STYXL2: variants seen among roughly 807,000 people sequenced by gnomAD.
STYXL2 encodes the protein serine/threonine/tyrosine-interacting-like protein 2.
A neutral mutation model predicts 52.4 loss-of-function variants in STYXL2; 44 were observed. The observed-to-expected ratio is 0.84, with a 90% CI of 0.66 to 1.08. The LOEUF (loss-of-function observed/expected upper bound fraction) is 1.08. Ranked by LOEUF, STYXL2 falls within the 50% of genes least tolerant of loss-of-function variation. STYXL2 has a pLI of 0.00. For missense variants in STYXL2, 1,604 were observed against 1,471.7 expected, an observed-to-expected ratio of 1.09 and a Z score of -1.47; for synonymous variants, 604 against 586.9, an observed-to-expected ratio of 1.03 and a Z score of -0.42.
chr1:167,115,982 A>T (rs1667714133), intron 3 of STYXL2, among the ~76,000 whole-genome samples: 1 of 152,138 alleles, frequency 6.6e-6, no homozygotes, highest in South Asian at 2.1e-4. Context: ...AGCAGATTCC[A>T]CGAGGGGCTG....
rs552291779 is a variant in STYXL2, at chr1:167,127,328, G to A, written c.2197G>A (p.Glu733Lys). 6 of 1,614,194 alleles carry A rather than the reference G, an allele frequency of 3.7e-6. No homozygotes were observed. Among genetic ancestry groups the A allele is most frequent in the East Asian group, 2.2e-5 (1 of 44,872 alleles). The part of the protein sequence containing the change: ...IQNWIANVVS[E>K]TLAQKQNEML... ...GAACTGGATTGCCAATGTAGTCAGT[G>A]AGACCCTTGCTCAGAAGCAAAATGA... The change falls in exon 6 of 6, where the codon GAG becomes AAG. Residue 733 changes from glutamate (E) to lysine (K), a missense_variant. Coordinates refer to ENST00000361200, the MANE Select transcript of STYXL2 (RefSeq NM_001080426.3).
intron 2 of STYXL2, among the ~76,000 whole-genome samples, chr1:167,103,052 C>T (rs1354757466): frequency 6.6e-6 from 1 of 151,820 alleles, no homozygotes; most frequent in South Asian, 2.1e-4. Flanking sequence ...GGGAAGACTC[C>T]TTCCTTGTCT....
In STYXL2 at chr1:167,127,306, C is replaced by A; in HGVS notation, c.2175C>A (p.Asn725Lys). 1 of 1,614,236 alleles carries A rather than the reference C, an allele frequency of 6.2e-7. No homozygotes were observed. The change falls in exon 6 of 6, where the codon AAC (asparagine) becomes AAA (lysine). Residue 725 changes from asparagine (N) to lysine (K), a missense_variant. By Grantham distance (94) the Asn-to-Lys change is moderately conservative. Transcript: ENST00000361200. ...CCATTTCCATTGCCAGTATCCAGAA[C>A]TGGATTGCCAATGTAGTCAGTGAGA... ...GDTISIASIQ[N>K]WIANVVSETL...
At chr1:167,113,280 C>T (rs1054916242) in intron 2 of STYXL2, among the ~76,000 whole-genome samples, 4 of 152,048 alleles carry the variant, frequency 2.6e-5, no homozygotes, top group African/African-American at 9.7e-5. Flanking sequence ...AGAGTGGTGG[C>T]AACCTATTCA....
rs573913763 is a variant in STYXL2, at chr1:167,126,819, C to A, written c.1688C>A (p.Ala563Glu). The stretch of plus-strand genomic sequence containing the variant: ...GGATTTCACAAGAAAGACTTGGGAG[C>A]GGGAGACAGCAGCGGTGAGCCCGGT... The part of the protein sequence containing the change: ...QFGFHKKDLG[A>E]GDSSGEPGAE... Residue 563 changes from alanine to glutamate, a missense_variant, in exon 6 of 6, where the codon GCG becomes GAG. Coordinates refer to ENST00000361200, the MANE Select transcript of STYXL2 (RefSeq NM_001080426.3). 6.2e-7 allele frequency: 1 copy of A among 1,614,088 alleles called. No homozygotes were observed. The highest frequency in any genetic ancestry group is 1.1e-5 in the South Asian group (1 of 91,072).
intron 2 of STYXL2, among the ~76,000 whole-genome samples, chr1:167,107,965 A>G (rs766904484): frequency 1.3e-5 from 2 of 152,216 alleles, no homozygotes; most frequent in Non-Finnish European, 2.9e-5. Flanking sequence ...GACTTCTACA[A>G]AGTCCCTAGG....
At chr1:167,096,521 G>A (rs1200211836) in intron 2 of STYXL2, among the ~76,000 whole-genome samples, 1 of 152,150 alleles carries the variant, frequency 6.6e-6, no homozygotes, top group Non-Finnish European at 1.5e-5. Flanking sequence ...CTTCTGTCTT[G>A]AAGGTTCACC....
At chr1:167,115,811 C>T (rs972581886) in intron 3 of STYXL2, among the ~76,000 whole-genome samples, 1 of 151,986 alleles carries the variant, frequency 6.6e-6, no homozygotes, top group African/African-American at 2.4e-5. Context: ...GATCAGAGAA[C>T]GTTTAGAGCT....
At chr1:167,111,469 C>CATATATATATATATATATAT (rs776014246) in intron 2 of STYXL2, among the ~76,000 whole-genome samples, 1 of 79,906 alleles carries the variant, frequency 1.3e-5, no homozygotes, top group Non-Finnish European at 2.6e-5. Flanking sequence ...AAATATGGTA[C>CATATATATATATATATATAT]ATATATATAT....
rs773965871 is a variant in STYXL2, at chr1:167,127,105, C to G, written c.1974C>G (p.Pro658=). ...ADSSTASGSI[P]LSAFWSADPS... is the part of the protein sequence containing the mutation. ...GCTCCACGGCCAGCGGGAGCATTCC[C>G]CTGTCTGCGTTCTGGTCTGCAGACC... Residue 658 remains proline, a synonymous_variant, in exon 6 of 6, where the codon CCC becomes CCG. Coordinates refer to ENST00000361200, the MANE Select transcript of STYXL2 (RefSeq NM_001080426.3). 2 of 1,613,910 alleles carry G rather than the reference C, an allele frequency of 1.2e-6. No homozygotes were observed. The highest frequency in any genetic ancestry group is 1.1e-5 in the South Asian group (1 of 91,048).
chr1:167,126,511 G>C lies in STYXL2; in HGVS notation c.1380G>C (p.Pro460=), dbSNP rs562826508. ...VLKQQLELNR[P]DHGRRRRADS... The stretch of plus-strand genomic sequence containing the variant: ...AGCAGCAGCTGGAGCTGAACCGCCC[G>C]GACCACGGCAGGAGGCGCCGCGCAG... Residue 460 remains proline (P), a synonymous_variant, in exon 6 of 6, where the codon CCG becomes CCC. Coordinates refer to ENST00000361200, the MANE Select transcript of STYXL2 (RefSeq NM_001080426.3). 3.5e-5 allele frequency: 57 copies of C among 1,612,156 alleles called. No homozygotes were observed. Among genetic ancestry groups the C allele is most frequent in the Non-Finnish European group, 4.3e-5 (51 of 1,179,350 alleles).
At chr1:167,111,246 A>G (rs1191034920) in intron 2 of STYXL2, among the ~76,000 whole-genome samples, 1 of 151,910 alleles carries the variant, frequency 6.6e-6, no homozygotes, top group Admixed American at 6.6e-5. Context: ...GTAAACTAGT[A>G]CAACCACTAT....
In STYXL2 at chr1:167,126,530, CG is replaced by C. The variant is rs777563120; in HGVS notation, c.1400del (p.Arg467ProfsTer110). 30 of 1,613,220 alleles carry C rather than the reference CG, an allele frequency of 1.9e-5. No homozygotes were observed. The highest frequency in any genetic ancestry group is 2.3e-5 in the Non-Finnish European group (27 of 1,179,858). ...CCGCCCGGACCACGGCAGGAGGCGC[CG>C]CGCAGACTCGATGTCCTCGGAGAGC... ...LNRPDHGRRR[R>X]ADSMSSESTW... On this transcript the variant is annotated frameshift_variant, in exon 6 of 6. Coordinates refer to ENST00000361200, the MANE Select transcript of STYXL2 (RefSeq NM_001080426.3). LOFTEE classifies it low-confidence loss of function (END_TRUNC).
chr1:167,107,701 G>C (rs1667532517), intron 2 of STYXL2, among the ~76,000 whole-genome samples: 2 of 152,142 alleles, frequency 1.3e-5, no homozygotes, highest in Non-Finnish European at 1.5e-5. Context: ...CATTCTCCTA[G>C]GTGCTAGGAA....
chr1:167,116,325 T>A (rs1667721077), intron 3 of STYXL2, among the ~76,000 whole-genome samples: 1 of 152,316 alleles, frequency 6.6e-6, no homozygotes, highest in Admixed American at 6.5e-5. Context: ...TTTGAGCTTT[T>A]CTGACCTGTT....
chr1:167,126,358 G>A lies in STYXL2; in HGVS notation c.1227G>A (p.Arg409=), dbSNP rs1158797956. 1 of 1,543,894 alleles carries A rather than the reference G, an allele frequency of 6.5e-7. No homozygotes were observed. The highest frequency in any genetic ancestry group is 2.0e-5 in the Admixed American group (1 of 49,968). ...RNERYQAEGY[R]RWGREEEKEE... The stretch of plus-strand genomic sequence containing the variant: ...AGAGGTACCAAGCAGAAGGGTACCG[G>A]AGGTGGGGAAGGGAGGAGGAGAAGG... Residue 409 remains arginine (R), a synonymous_variant, in exon 6 of 6, where the codon CGG becomes CGA. Transcript: ENST00000361200.
At chr1:167,103,126 C>T (rs1667436632) in intron 2 of STYXL2, among the ~76,000 whole-genome samples, 1 of 152,172 alleles carries the variant, frequency 6.6e-6, no homozygotes, top group Non-Finnish European at 1.5e-5. Context: ...CAATCTCTGC[C>T]ACTCCTTCAA....
Position 167,113,750 on chromosome 1 carries a change from A to G in STYXL2, c.151A>G (p.Met51Val), listed in dbSNP as rs1039846750. The part of the protein sequence containing the change: ...VSDAETESIF[M>V]EPIHLSSAIA... ...AGATGCAGAAACAGAAAGCATTTTC[A>G]TGGAACCCATTCACCTCTCCTCAGC... The change falls in exon 3 of 6, where the codon ATG becomes GTG. Residue 51 changes from methionine to valine, a missense_variant. Transcript: ENST00000361200. 3.7e-6 allele frequency: 6 copies of G among 1,614,024 alleles called. No individual in the cohort carries two copies. Among genetic ancestry groups the G allele is most frequent in the Middle Eastern group, 1.6e-4 (1 of 6,084 alleles).
intron 2 of STYXL2, among the ~76,000 whole-genome samples, chr1:167,109,646 C>G (rs1667576313): frequency 6.6e-6 from 1 of 152,166 alleles, no homozygotes; most frequent in African/African-American, 2.4e-5. Flanking sequence ...AAGGCCTCAC[C>G]CATCACCTGA....
Sources: gnomAD v4.1 joint callset for allele counts (sites outside exome capture counted in the v4.1 genomes callset) on GRCh38, gnomAD v4.1.1 for gene constraint, MANE v1.5 for transcripts, NCBI Gene and HGNC (gene_info 2026-07-23, HGNC 2026-07-21) for gene names.